ACTR10: variants seen among roughly 807,000 people sequenced by gnomAD.
The protein encoded by ACTR10 is actin-related protein 10.
Under a neutral mutation model 56.2 loss-of-function variants are expected in ACTR10, and 43 were observed. The ratio of observed to expected loss-of-function variants is 0.77; its 90% CI spans 0.60 to 0.99. The LOEUF (loss-of-function observed/expected upper bound fraction) is 0.99, where lower values mean the gene tolerates loss of function less well. ACTR10 is among the 50% of genes least tolerant of loss of function. The pLI is 0.00. For missense variants in ACTR10, 466 were observed against 507.8 expected (o/e 0.92, Z 0.79); for synonymous variants, 170 against 176.3 (o/e 0.96, Z 0.28).
intron 11 of ACTR10, among the ~76,000 whole-genome samples, chr14:58,230,925 T>C (rs1047511460): frequency 3.2e-4 from 49 of 152,106 alleles, no homozygotes; most frequent in African/African-American, 1.1e-3. Flanking sequence ...CTTGCCCAGC[T>C]AATTTTTGTA....
intron 5 of ACTR10, chr14:58,213,015 G>A (rs550023585): frequency 6.6e-6 from 1 of 152,428 alleles, no homozygotes; most frequent in East Asian, 1.9e-4. Context: ...CTGCTTGGGA[G>A]GCTGAGGCAC....
intron 6 of ACTR10, among the ~76,000 whole-genome samples, chr14:58,214,943 T>C (rs2140051328): frequency 6.6e-6 from 1 of 151,482 alleles, no homozygotes; most frequent in Non-Finnish European, 1.5e-5. Context: ...CTATCTCTAC[T>C]AAAAATACAA....
chr14:58,207,844 C>T, intron 2 of ACTR10, 92 bp from the exon 3 acceptor site: 3 of 742,850 alleles, frequency 4.0e-6, no homozygotes, highest in South Asian at 3.2e-5. Flanking sequence ...TAATTTATTC[C>T]CAGAAAATGT....
intron 10 of ACTR10, 92 bp downstream of exon 10, chr14:58,223,948 C>A: frequency 1.0e-6 from 1 of 953,618 alleles, no homozygotes; most frequent in South Asian, 1.5e-5. Flanking sequence ...TCACTATTGC[C>A]ATTTTAACAG....
intron 11 of ACTR10, 93 bp downstream of exon 11, chr14:58,230,573 C>T (rs1335342511): frequency 3.9e-6 from 2 of 518,452 alleles, no homozygotes; most frequent in Non-Finnish European, 3.2e-6. Context: ...ATCCTTGTCA[C>T]ATATTATTTT....
chr14:58,232,413 T>C (rs1441844555), intron 12 of ACTR10, 146 bp downstream of exon 12: 25 of 540,536 alleles, frequency 4.6e-5, no homozygotes, highest in Non-Finnish European at 6.9e-5. Flanking sequence ...TCTTTTTTTT[T>C]TTTTTTTTTT....
chr14:58,231,542 G>C (rs1434482042), intron 11 of ACTR10, among the ~76,000 whole-genome samples: 1 of 152,170 alleles, frequency 6.6e-6, no homozygotes, highest in Non-Finnish European at 1.5e-5. Context: ...TGGAAGATAT[G>C]TTTACCTCTA....
chr14:58,202,099 CTA>C (rs1411646682), intron 1 of ACTR10, among the ~76,000 whole-genome samples: 6 of 150,368 alleles, frequency 4.0e-5, no homozygotes, highest in African/African-American at 1.2e-4. Flanking sequence ...GTGATTAAAA[CTA>C]TGTCAAATAT....
At chr14:58,225,331 A>G (rs931677001) in intron 10 of ACTR10, among the ~76,000 whole-genome samples, 3 of 152,226 alleles carry the variant, frequency 2.0e-5, no homozygotes, top group Non-Finnish European at 4.4e-5. Context: ...TATTAGTAAC[A>G]ATATAACATT....
chr14:58,215,153 G>A, intron 6 of ACTR10, 52 bp from the exon 7 acceptor site: 1 of 1,093,308 alleles, frequency 9.1e-7, no homozygotes, highest in Non-Finnish European at 1.3e-6. Flanking sequence ...TATCAAATAA[G>A]GATATCAGTT....
At chr14:58,214,090 T>C (rs1379738276) in intron 6 of ACTR10, among the ~76,000 whole-genome samples, 1 of 152,202 alleles carries the variant, frequency 6.6e-6, no homozygotes, top group Non-Finnish European at 1.5e-5. Context: ...CACCCTGTGG[T>C]GCTATTAAAT....
At chr14:58,210,123 A>T (rs1415239719) in intron 4 of ACTR10, among the ~76,000 whole-genome samples, 2 of 152,158 alleles carry the variant, frequency 1.3e-5, no homozygotes, top group Non-Finnish European at 2.9e-5. Flanking sequence ...GTTTGTGTTA[A>T]TATCTTCTAT....
chr14:58,203,629 A>G lies in ACTR10; in HGVS notation c.150+702A>G, dbSNP rs375623985. On this transcript the variant is annotated intron_variant, in intron 2 of 12. Transcript: ENST00000254286. The stretch of plus-strand genomic sequence containing the variant: ...TCAAGAGAAAAATTTTAACTTCAGT[A>G]AAATACTTTTATAAGTCTTATAACC... Among the ~76,000 whole-genome samples the G allele has an allele frequency of 1.1e-4, 17 of 152,288 alleles. No homozygotes were observed. In the East Asian group the frequency reaches 2.3e-3, roughly 21 times the overall value.
chr14:58,204,341 G>A (rs1190824), intron 2 of ACTR10, among the ~76,000 whole-genome samples: 52,112 of 151,652 alleles, frequency 0.34, 9,364 homozygotes, highest in East Asian at 0.62. Context: ...CCGAGATTGC[G>A]CCACTGCACT....
intron 5 of ACTR10, among the ~76,000 whole-genome samples, chr14:58,211,767 A>T (rs1480105093): frequency 6.6e-6 from 1 of 152,064 alleles, no homozygotes; most frequent in African/African-American, 2.4e-5. Context: ...TCAAAACTTA[A>T]TGGCAACATG....
At chr14:58,232,379 T>A (rs1355981622) in intron 12 of ACTR10, 112 bp downstream of exon 12, 4 of 512,772 alleles carry the variant, frequency 7.8e-6, no homozygotes, top group East Asian at 8.5e-5. Context: ...GCCCACTTTA[T>A]AAATAGAACT....
intron 12 of ACTR10, among the ~76,000 whole-genome samples, chr14:58,232,872 CT>C (rs5808964): frequency 0.47 from 64,420 of 136,022 alleles, 14,378 homozygotes; most frequent in Middle Eastern, 0.52. Context: ...TTCTTTCTTT[CT>C]TTTTTTTTTT....
At chr14:58,210,679 CTT>C (rs200887449) in intron 4 of ACTR10, among the ~76,000 whole-genome samples, 2 of 139,912 alleles carry the variant, frequency 1.4e-5, no homozygotes, top group Non-Finnish European at 3.1e-5. Context: ...TTCTTTTTTT[CTT>C]TTTTTTTTTT....
intron 10 of ACTR10, among the ~76,000 whole-genome samples, chr14:58,228,956 G>A (rs1889466946): frequency 6.6e-6 from 1 of 150,478 alleles, no homozygotes; most frequent in African/African-American, 2.5e-5. Context: ...AGATAAACAG[G>A]CAGTTGTAAA....
Sources: gnomAD v4.1 joint callset for allele counts (sites outside exome capture counted in the v4.1 genomes callset) on GRCh38, gnomAD v4.1.1 for gene constraint, MANE v1.5 for transcripts, NCBI Gene and HGNC (gene_info 2026-07-23, HGNC 2026-07-21) for gene names.